The following POC5 variants were observed in gnomAD, a reference collection of about 807,000 sequenced individuals.
POC5 encodes POC5 centriolar protein.
POC5 carries 48 observed loss-of-function variants against 62.9 expected under a neutral mutation model. The ratio of observed to expected loss-of-function variants is 0.76; its 90% CI spans 0.61 to 0.97. The LOEUF (loss-of-function observed/expected upper bound fraction) is 0.97, where lower values mean the gene tolerates loss of function less well. POC5 is among the 50% of genes least tolerant of loss of function. The probability of loss-of-function intolerance (pLI) is 0.00; values close to 1 mark genes in which losing one functional copy is unlikely to be tolerated. For synonymous variants in POC5, 236 were observed against 228.2 expected (o/e 1.03, Z -0.31); for missense variants, 696 against 679.5 (o/e 1.02, Z -0.27).
chr5:75,690,558 T>C lies in POC5; in HGVS notation c.800A>G (p.Tyr267Cys). 2.6e-6 allele frequency: 4 copies of C among 1,551,846 alleles called. No individual in the cohort carries two copies. The highest frequency in any genetic ancestry group is 3.5e-6 in the Non-Finnish European group (4 of 1,149,880). The change falls in exon 8 of 12, where the codon TAT (tyrosine) becomes TGT (cysteine). Residue 267 changes from tyrosine (Y) to cysteine (C), a missense_variant. Tyr to Cys is a radical substitution (Grantham distance 194, BLOSUM62 -2). Coordinates refer to ENST00000428202, the MANE Select transcript of POC5 (RefSeq NM_001099271.2). ...IGHVRARQDV[Y>C]EGKLADQYYQ... ...GTACTGGTCAGCTAGTTTACCTTCA[T>C]AAACCTAAATAAAAGTAAAATATAA...
intron 8 of POC5, chr5:75,689,642 A>G (rs1237788808): frequency 1.0e-6 from 1 of 985,270 alleles, no homozygotes; most frequent in Non-Finnish European, 1.2e-6. Flanking sequence ...CCATAGGCCA[A>G]ACCTCAGGGG....
intron 5 of POC5, 81 bp from the exon 6 acceptor site, chr5:75,694,912 T>TAA (rs949989654): frequency 1.9e-6 from 2 of 1,026,498 alleles, no homozygotes; most frequent in Non-Finnish European, 1.4e-6. Flanking sequence ...AAAGAAACAT[T>TAA]AAAAAAATCA....
Position 75,688,946 on chromosome 5 carries a change from C to T in POC5, c.1129+66G>A, listed in dbSNP as rs1276711985. 3 of 1,424,438 alleles carry T rather than the reference C, an allele frequency of 2.1e-6. No homozygotes were observed. The African/African-American group carries it at 4.3e-5, about 20-fold the overall frequency. 88.2% of individuals were successfully genotyped at this position (1,424,438 alleles called of 1,614,324 possible). ...AGATTATTTGTACTGTAGACCATAC[C>T]AATCACCAAAATCTCCTCAAATCTT... On this transcript the variant is annotated intron_variant, in intron 9 of 11. Coordinates refer to ENST00000428202, the MANE Select transcript of POC5 (RefSeq NM_001099271.2).
At chr5:75,679,524 C>T (rs947378933) in intron 10 of POC5, among the ~76,000 whole-genome samples, 6 of 151,886 alleles carry the variant, frequency 4.0e-5, no homozygotes, top group Non-Finnish European at 8.8e-5. Context: ...TTTGGAAGAC[C>T]CTATGGAAAA....
At position 75,702,658 on chromosome 5, in the gene POC5, C is replaced by T; in HGVS notation, c.460G>A (p.Glu154Lys). ...ACATTTTCCATCTTCTGAAGGTTTT[C>T]ATCAGAAACAAGAAAATCGCTCACA... ...ILVSDFLVSDENLQKMENVLD... is the reference protein window; with the variant it reads ...ILVSDFLVSDKNLQKMENVLD... Residue 154 changes from glutamate (E) to lysine (K), a missense_variant, in exon 5 of 12, where the codon GAA becomes AAA. Physicochemically the swap from Glu to Lys is moderately conservative, Grantham distance 56 (BLOSUM62 1). Transcript: ENST00000428202. 1 of 1,613,042 alleles carries T rather than the reference C, an allele frequency of 6.2e-7. No individual in the cohort carries two copies. The highest frequency in any genetic ancestry group is 8.5e-7 in the Non-Finnish European group (1 of 1,179,532).
chr5:75,700,397 C>A (rs1482377230), intron 5 of POC5, among the ~76,000 whole-genome samples: 1 of 151,560 alleles, frequency 6.6e-6, no homozygotes, highest in Non-Finnish European at 1.5e-5. Context: ...CAGAACAGAG[C>A]CCTCAGAAAT....
At chr5:75,714,326 G>T (rs1777465882) in intron 1 of POC5, among the ~76,000 whole-genome samples, 1 of 152,098 alleles carries the variant, frequency 6.6e-6, no homozygotes, top group Non-Finnish European at 1.5e-5. Context: ...AGGCTGCAGT[G>T]AGCCAAGATC....
intron 6 of POC5, among the ~76,000 whole-genome samples, chr5:75,693,051 C>T (rs919371410): frequency 6.8e-6 from 1 of 146,834 alleles, no homozygotes; most frequent in African/African-American, 2.5e-5. Context: ...GTTATATATA[C>T]CTATTAATAA....
At chr5:75,713,897 G>C (rs1777446924) in intron 1 of POC5, among the ~76,000 whole-genome samples, 1 of 152,172 alleles carries the variant, frequency 6.6e-6, no homozygotes, top group Admixed American at 6.5e-5. Context: ...GTTTGGTAAG[G>C]ACAAAGCAAT....
intron 6 of POC5, 130 bp from the exon 7 acceptor site, chr5:75,692,630 C>A: frequency 2.2e-6 from 1 of 450,056 alleles, no homozygotes. Flanking sequence ...CAGTTAACCT[C>A]ATTATTATCT....
chr5:75,695,761 T>C (rs113485542), intron 5 of POC5, among the ~76,000 whole-genome samples: 19,100 of 152,058 alleles, frequency 0.13, 1,688 homozygotes, highest in African/African-American at 0.25. Context: ...GCGTGAGCAA[T>C]GCAGAAGACG....
At chr5:75,698,118 G>A (rs1208712661) in intron 5 of POC5, among the ~76,000 whole-genome samples, 2 of 140,168 alleles carry the variant, frequency 1.4e-5, no homozygotes, top group East Asian at 3.9e-4. Flanking sequence ...TATTAATAAT[G>A]GGAGACTTTA....
intron 11 of POC5, among the ~76,000 whole-genome samples, chr5:75,674,919 G>A (rs895219086): frequency 6.6e-6 from 1 of 152,188 alleles, no homozygotes; most frequent in Admixed American, 6.5e-5. Flanking sequence ...TGTGGTGTCT[G>A]GAAGAGGGGT....
At chr5:75,704,157 A>G (rs1164968558) in intron 4 of POC5, among the ~76,000 whole-genome samples, 1 of 150,702 alleles carries the variant, frequency 6.6e-6, no homozygotes, top group East Asian at 1.9e-4. Context: ...CTGTCTCAAA[A>G]AAAAAAAAAA....
chr5:75,709,187 C>T (rs1777242579), intron 2 of POC5, among the ~76,000 whole-genome samples: 1 of 152,150 alleles, frequency 6.6e-6, no homozygotes, highest in Non-Finnish European at 1.5e-5. Context: ...ATAGCAAATA[C>T]TGATTTTTAT....
At chr5:75,694,368 A>C (rs568331036) in intron 6 of POC5, among the ~76,000 whole-genome samples, 76 of 152,312 alleles carry the variant, frequency 5.0e-4, no homozygotes, top group African/African-American at 1.8e-3. Context: ...TTTTAAATTG[A>C]CAAATCATAA....
intron 9 of POC5, 151 bp downstream of exon 9, chr5:75,688,861 G>T: frequency 6.6e-6 from 5 of 752,096 alleles, no homozygotes; most frequent in East Asian, 3.2e-5. Flanking sequence ...GCAGATTTAA[G>T]TCTGGATATG....
At chr5:75,691,108 T>C (rs975292938) in intron 7 of POC5, among the ~76,000 whole-genome samples, 5 of 152,250 alleles carry the variant, frequency 3.3e-5, no homozygotes, top group African/African-American at 9.6e-5. Context: ...TTTGAAGAAG[T>C]AGTTCCAATT....
At chr5:75,715,994 C>A (rs978160846) in intron 1 of POC5, among the ~76,000 whole-genome samples, 3 of 152,134 alleles carry the variant, frequency 2.0e-5, no homozygotes, top group African/African-American at 7.2e-5. Flanking sequence ...GAGACGTTTG[C>A]TTGAACAATT....
Sources: gnomAD v4.1 joint callset for allele counts (sites outside exome capture counted in the v4.1 genomes callset) on GRCh38, gnomAD v4.1.1 for gene constraint, MANE v1.5 for transcripts, NCBI Gene and HGNC (gene_info 2026-07-23, HGNC 2026-07-21) for gene names.